ANO4: variants seen among roughly 807,000 people sequenced by gnomAD.
ANO4 encodes anoctamin-4.
Under a neutral mutation model 141.9 loss-of-function variants are expected in ANO4, and 69 were observed. The ratio of observed to expected loss-of-function variants is 0.49; its 90% CI spans 0.40 to 0.59. The LOEUF is 0.59. Among genes scored for constraint, ANO4 ranks in the 20% least tolerant of loss-of-function variants. The pLI, the probability that ANO4 is intolerant of heterozygous loss-of-function variation, is 0.00. For synonymous variants in ANO4, 350 were observed against 394.3 expected (o/e 0.89, Z 1.33); for missense variants, 894 against 1,162.2 (o/e 0.77, Z 3.36).
intron 16 of ANO4, among the ~76,000 whole-genome samples, chr12:101,084,675 A>G (rs1310877749): frequency 6.6e-6 from 1 of 152,214 alleles, no homozygotes; most frequent in Admixed American, 6.5e-5. Flanking sequence ...TCAGACCAAG[A>G]TTCAAATCCA....
At chr12:100,726,303 G>A (rs1230211974) in intron 1 of ANO4, among the ~76,000 whole-genome samples, 1 of 152,124 alleles carries the variant, frequency 6.6e-6, no homozygotes, top group South Asian at 2.1e-4. Context: ...TTAAAAAGAA[G>A]CTCTTTGAAT....
intron 8 of ANO4, among the ~76,000 whole-genome samples, chr12:101,015,254 G>A (rs1242850442): frequency 1.3e-5 from 2 of 152,164 alleles, no homozygotes; most frequent in South Asian, 2.1e-4. Context: ...AATGTTTTCC[G>A]AGGTGTATGT....
At chr12:100,967,259 A>G (rs763240696) in intron 5 of ANO4, among the ~76,000 whole-genome samples, 2 of 152,024 alleles carry the variant, frequency 1.3e-5, no homozygotes, top group Non-Finnish European at 2.9e-5. Flanking sequence ...AAACAACTCT[A>G]TGTTTCATAA....
intron 3 of ANO4, among the ~76,000 whole-genome samples, chr12:100,937,441 T>C (rs187584044): frequency 2.0e-5 from 3 of 152,340 alleles, no homozygotes; most frequent in African/African-American, 7.2e-5. Flanking sequence ...GGAAGTTGTC[T>C]TTGATCTTGA....
Position 101,020,074 on chromosome 12 carries a change from A to G in ANO4, c.775A>G (p.Thr259Ala), listed in dbSNP as rs761645448. The G allele has an allele frequency of 1.2e-5, 19 of 1,613,658 alleles. No homozygotes were observed. Among genetic ancestry groups the G allele is most frequent in the Admixed American group, 1.7e-5 (1 of 59,930 alleles). Reference sequence around the variant, plus strand: ...CAAAGAAACGTTCTTCAACAATGCCACAAGAAGTAGAATCGTGCATCACAT... The same window carrying G: ...CAAAGAAACGTTCTTCAACAATGCCGCAAGAAGTAGAATCGTGCATCACAT... Reference protein sequence around the residue: ...HNKETFFNNATRSRIVHHILQ... With the variant: ...HNKETFFNNAARSRIVHHILQ... Residue 259 changes from threonine (T) to alanine (A), a missense_variant, in exon 9 of 28, where the codon ACA becomes GCA. By Grantham distance (58) the Thr-to-Ala change is moderately conservative. Around this residue, in one of 2 missense-constraint regions of ANO4, gnomAD observed 637 missense variants for 909.2 expected, o/e 0.70. Transcript: ENST00000392977.
intron 14 of ANO4, among the ~76,000 whole-genome samples, chr12:101,077,602 C>G (rs1033193156): frequency 6.6e-6 from 1 of 152,118 alleles, no homozygotes; most frequent in Non-Finnish European, 1.5e-5. Flanking sequence ...TACTCAGAAT[C>G]TTTCAGATTT....
chr12:100,754,130 A>T (rs894601324), intron 3 of ANO4, among the ~76,000 whole-genome samples: 4 of 152,218 alleles, frequency 2.6e-5, no homozygotes, highest in African/African-American at 9.6e-5. Context: ...GGTGACTAAG[A>T]CATGACTCTC....
chr12:101,070,736 C>T (rs1176307897), intron 14 of ANO4, among the ~76,000 whole-genome samples: 1 of 152,042 alleles, frequency 6.6e-6, no homozygotes, highest in African/African-American at 2.4e-5. Context: ...ACAGAACCCA[C>T]AGAAATGGGA....
chr12:100,773,749 C>G (rs2033386584), intron 3 of ANO4, among the ~76,000 whole-genome samples: 1 of 152,174 alleles, frequency 6.6e-6, no homozygotes, highest in South Asian at 2.1e-4. Context: ...TATATGCAGA[C>G]AAGTGCATAA....
Position 101,099,914 on chromosome 12 carries a change from G to A in ANO4, c.2149+194G>A, listed in dbSNP as rs567105095. ...AATCAGATTTCTCTGGAATCAAACCGAAGCTATTTCTCTTAGCACGTATCT... is the reference window on the plus strand; with the variant it reads ...AATCAGATTTCTCTGGAATCAAACCAAAGCTATTTCTCTTAGCACGTATCT... On this transcript the variant is annotated intron_variant, in intron 22 of 27. Transcript: ENST00000392977. Among the ~76,000 whole-genome samples the A allele has an allele frequency of 2.6e-5, 4 of 152,266 alleles. No homozygotes were observed. In the East Asian group the frequency reaches 5.8e-4, roughly 22 times the overall value.
chr12:100,795,181 G>A (rs879388731), intron 1 of ANO4, among the ~76,000 whole-genome samples, 154 bp downstream of exon 1: 1 of 152,118 alleles, frequency 6.6e-6, no homozygotes, highest in African/African-American at 2.4e-5. Flanking sequence ...AATGCCAGGG[G>A]TCATTTGCCT....
chr12:100,938,258 A>G (rs1335920716), intron 3 of ANO4, among the ~76,000 whole-genome samples: 2 of 152,202 alleles, frequency 1.3e-5, no homozygotes, highest in South Asian at 2.1e-4. Context: ...ATTCACCACA[A>G]GTTACGTGTC....
At chr12:100,870,741 G>A (rs1285765947) in intron 1 of ANO4, among the ~76,000 whole-genome samples, 1 of 151,976 alleles carries the variant, frequency 6.6e-6, no homozygotes, top group Non-Finnish European at 1.5e-5. Flanking sequence ...TCAATATCTA[G>A]GCTTCTATAT....
chr12:100,818,860 A>G (rs1177071221), intron 1 of ANO4, among the ~76,000 whole-genome samples: 3 of 151,928 alleles, frequency 2.0e-5, no homozygotes, highest in African/African-American at 7.2e-5. Flanking sequence ...AAGATCCTGC[A>G]ATACACAGGA....
At chr12:101,036,374 A>G (rs1040069161) in intron 9 of ANO4, among the ~76,000 whole-genome samples, 2 of 152,232 alleles carry the variant, frequency 1.3e-5, no homozygotes, top group South Asian at 4.1e-4. Context: ...TGAAATCAGT[A>G]TCTTGAAGAG....
At chr12:100,919,670 CTGTGTGTGTGTG>C (rs63330161) in intron 2 of ANO4, among the ~76,000 whole-genome samples, 47 of 139,870 alleles carry the variant, frequency 3.4e-4, no homozygotes, top group Admixed American at 2.0e-3. Flanking sequence ...GGACATGTCT[CTGTGTGTGTGTG>C]TGTGTGTGTG....
At chr12:100,838,285 C>A (rs1006262624) in intron 1 of ANO4, among the ~76,000 whole-genome samples, 8 of 146,900 alleles carry the variant, frequency 5.4e-5, no homozygotes, top group Non-Finnish European at 7.5e-5. Flanking sequence ...TGCTATAAGA[C>A]TGTAAAGAGC....
rs75113494 is a variant in ANO4 at position 100,869,133 on chromosome 12, G to A, written c.-140-32513G>A. Among the ~76,000 whole-genome samples the A allele has an allele frequency of 5.0e-3, 754 of 152,286 alleles. 6 individuals carry two copies. The highest frequency in any genetic ancestry group is 0.017 in the African/African-American group (712 of 41,558). ...ACCTGAAACACTGAATCCTAAATCC[G>A]GGGTGAGTATATCCCATGAGTGAAT... On this transcript the variant is annotated intron_variant, in intron 1 of 27. Transcript: ENST00000392977.
chr12:101,102,094 G>T (rs2050213675), intron 22 of ANO4, among the ~76,000 whole-genome samples: 1 of 151,916 alleles, frequency 6.6e-6, no homozygotes, highest in Non-Finnish European at 1.5e-5. Flanking sequence ...AAAAAAAAAA[G>T]AATGTACTAT....
Sources: gnomAD v4.1 joint callset for allele counts (sites outside exome capture counted in the v4.1 genomes callset) on GRCh38, gnomAD v4.1.1 for gene constraint, gnomAD v4.1.1 regional missense constraint, MANE v1.5 for transcripts, NCBI Gene and HGNC (gene_info 2026-07-23, HGNC 2026-07-21) for gene names.